The following MGST3 variants were observed in gnomAD, a reference collection of about 807,000 sequenced individuals.
The protein encoded by MGST3 is microsomal glutathione S-transferase 3.
A neutral mutation model predicts 15.8 loss-of-function variants in MGST3; 13 were observed. The ratio of observed to expected loss-of-function variants is 0.82; its 90% confidence interval spans 0.54 to 1.31. MGST3 has a LOEUF of 1.31. Ranked by LOEUF, MGST3 falls within the 50% of genes most tolerant of loss-of-function variation. The pLI is 0.00. For synonymous variants in MGST3, 49 were observed against 68.1 expected (o/e 0.72, Z 1.38); for missense variants, 155 against 192.4 (o/e 0.81, Z 1.15).
intron 4 of MGST3, chr1:165,654,066 C>T: frequency 1.8e-6 from 1 of 555,112 alleles, no homozygotes; most frequent in Non-Finnish European, 3.3e-6. Context: ...ACTCATCTCC[C>T]AGGTCCACAA....
intron 1 of MGST3, among the ~76,000 whole-genome samples, chr1:165,634,386 T>C (rs746470184): frequency 2.6e-5 from 4 of 152,200 alleles, no homozygotes; most frequent in African/African-American, 9.7e-5. Flanking sequence ...TGTGAGGATC[T>C]AAATGAGTTA....
At chr1:165,653,424 C>T (rs977809381) in intron 4 of MGST3, among the ~76,000 whole-genome samples, 1 of 152,184 alleles carries the variant, frequency 6.6e-6, no homozygotes, top group Non-Finnish European at 1.5e-5. Context: ...GCTGCTATAT[C>T]GTGACTTGAG....
At chr1:165,641,168 G>A (rs1300875181) in intron 1 of MGST3, among the ~76,000 whole-genome samples, 1 of 146,382 alleles carries the variant, frequency 6.8e-6, no homozygotes, top group Non-Finnish European at 1.5e-5. Flanking sequence ...GGGGGGAAGA[G>A]CAAAACTTTG....
chr1:165,642,002 AT>A (rs1451728506), intron 1 of MGST3, among the ~76,000 whole-genome samples: 1 of 152,226 alleles, frequency 6.6e-6, no homozygotes, highest in African/African-American at 2.4e-5. Flanking sequence ...TACCTCTGCA[AT>A]TGCTAATAAG....
rs769406917 is a variant in MGST3 at position 165,649,810 on chromosome 1, G to C, written c.-7-31G>C. On this transcript the variant is annotated intron_variant, in intron 1 of 5. Coordinates refer to ENST00000367889, the MANE Select transcript of MGST3 (RefSeq NM_004528.4). ...CACCATGAAATAGCCACAGTGCTGG[G>C]GGCCGTCCCAACGTGTTCTTTCTTC... The C allele has an allele frequency of 4.3e-6, 7 of 1,613,300 alleles. No homozygotes were observed. In the East Asian group the frequency reaches 1.3e-4, roughly 31 times the overall value.
At chr1:165,633,039 T>C (rs186041014) in intron 1 of MGST3, among the ~76,000 whole-genome samples, 6 of 152,342 alleles carry the variant, frequency 3.9e-5, no homozygotes, top group Admixed American at 3.3e-4. Flanking sequence ...CCGACCACAA[T>C]TGACCATGAA....
intron 1 of MGST3, among the ~76,000 whole-genome samples, chr1:165,634,024 GTTT>G (rs56190944): frequency 2.2e-5 from 3 of 138,472 alleles, no homozygotes; most frequent in Non-Finnish European, 4.7e-5. Flanking sequence ...CTTTCCCAAA[GTTT>G]TTTTTTTTTT....
rs142747173 is a variant in MGST3 at position 165,654,426 on chromosome 1, T to C, written c.322+75T>C. On this transcript the variant is annotated intron_variant, in intron 5 of 5. Transcript: ENST00000367889. ...CCTATGCTGGCCAGGCACAGTGGCT[T>C]ACACCTGTAATCCCAGCACTTTGGG... The C allele has an allele frequency of 6.0e-3, 8,311 of 1,374,946 alleles. 182 individuals carry two copies. The highest frequency in any genetic ancestry group is 0.047 in the Admixed American group (2,792 of 59,412). The allele number at this position is 1,374,946 out of a possible 1,614,324, so 85.2% of individuals were successfully genotyped here. A position where few individuals can be genotyped will look rare whatever the true frequency, so the allele number is the denominator to read the frequency against.
intron 1 of MGST3, chr1:165,649,589 C>T: frequency 2.2e-6 from 1 of 458,052 alleles, no homozygotes; most frequent in Non-Finnish European, 4.0e-6. Context: ...CAGAATCTCC[C>T]AGGCACAAAA....
chr1:165,651,267 G>A (rs1388803614), intron 3 of MGST3, 180 bp downstream of exon 3: 2 of 644,766 alleles, frequency 3.1e-6, no homozygotes, highest in Non-Finnish European at 5.6e-6. Context: ...GCAAACTTAA[G>A]AGTGGTTGGA....
chr1:165,654,385 CTT>C (rs2101726117), intron 5 of MGST3, 34 bp downstream of exon 5: 1 of 1,599,768 alleles, frequency 6.3e-7, no homozygotes, highest in Non-Finnish European at 8.6e-7. Flanking sequence ...AAGGAAACAA[CTT>C]TAAAATTTTA....
At chr1:165,638,768 C>A (rs893086330) in intron 1 of MGST3, among the ~76,000 whole-genome samples, 5 of 147,278 alleles carry the variant, frequency 3.4e-5, no homozygotes, top group Non-Finnish European at 5.9e-5. Flanking sequence ...TCACTCTAGC[C>A]TGTGGGACAG....
In MGST3 at chr1:165,649,878, G is replaced by A; in HGVS notation, c.31G>A (p.Val11Met). The A allele has an allele frequency of 6.2e-7, 1 of 1,614,156 alleles. No individual in the cohort carries two copies. The highest frequency in any genetic ancestry group is 8.5e-7 in the Non-Finnish European group (1 of 1,180,038). MAVLSKEYGF[V>M]LLTGAASFIM... ...TGTCCTCTCTAAGGAATATGGTTTTGTGCTTCTAACTGGTGCTGCCAGCTT... is the reference window on the plus strand; with the variant it reads ...TGTCCTCTCTAAGGAATATGGTTTTATGCTTCTAACTGGTGCTGCCAGCTT... Residue 11 changes from valine (V) to methionine (M), a missense_variant, in exon 2 of 6, where the codon GTG (valine) becomes ATG (methionine). Coordinates refer to ENST00000367889, the MANE Select transcript of MGST3 (RefSeq NM_004528.4).
chr1:165,631,236 C>A lies in MGST3; in HGVS notation c.-65C>A, dbSNP rs1285337696. The A allele has an allele frequency of 6.5e-6, 1 of 152,686 alleles. No individual in the cohort carries two copies. The highest frequency in any genetic ancestry group is 2.4e-5 in the African/African-American group (1 of 41,456). 9.5% of individuals were successfully genotyped at this position (152,686 alleles called of 1,614,324 possible). On this transcript the variant is annotated 5_prime_UTR_variant, in exon 1 of 6. Transcript: ENST00000367889. ...CTAGCCCCGCCCCAGGCGAGGGCGC[C>A]GCACCCACACCGCGCTGCGCAGTTT...
At chr1:165,643,826 C>T (rs112531005) in intron 1 of MGST3, among the ~76,000 whole-genome samples, 1,667 of 152,062 alleles carry the variant, frequency 0.011, 40 homozygotes, top group African/African-American at 0.038. Context: ...TGAGATTGTG[C>T]CACTGCAGTC....
chr1:165,634,526 A>T (rs958838213), intron 1 of MGST3, among the ~76,000 whole-genome samples: 2 of 152,010 alleles, frequency 1.3e-5, no homozygotes, highest in African/African-American at 4.8e-5. Flanking sequence ...CTTCAGACAC[A>T]CTGGACTCTT....
At chr1:165,653,897 T>C in intron 4 of MGST3, 1 of 303,520 alleles carries the variant, frequency 3.3e-6, no homozygotes, top group Non-Finnish European at 6.4e-6. Flanking sequence ...GAAAACGGCA[T>C]TTCCCCTAGT....
chr1:165,652,876 TAAAG>T (rs1468531755), intron 4 of MGST3, among the ~76,000 whole-genome samples: 1 of 152,220 alleles, frequency 6.6e-6, no homozygotes, highest in African/African-American at 2.4e-5. Flanking sequence ...CATATCTAAA[TAAAG>T]CAAGTTTATC....
chr1:165,633,222 G>A (rs1207633860), intron 1 of MGST3, among the ~76,000 whole-genome samples: 1 of 152,108 alleles, frequency 6.6e-6, no homozygotes, highest in Admixed American at 6.6e-5. Context: ...TCTGTCACTC[G>A]CTCTTACAGT....
Sources: allele counts gnomAD v4.1 joint callset (sites outside exome capture counted in the v4.1 genomes callset), GRCh38; gene constraint gnomAD v4.1.1; transcripts MANE v1.5; gene names NCBI Gene and HGNC (gene_info 2026-07-23, HGNC 2026-07-21).